Variants in USP42 observed in about 807,000 individuals in gnomAD.
USP42 encodes ubiquitin carboxyl-terminal hydrolase 42.
USP42 carries 23 observed loss-of-function variants against 113.0 expected under a neutral mutation model. The observed-to-expected ratio is 0.20, with a 90% CI of 0.15 to 0.29. The LOEUF is 0.29. Among genes scored for constraint, USP42 ranks in the 10% least tolerant of loss-of-function variants. The pLI is 1.00. For missense variants in USP42, 2,174 were observed against 1,779.8 expected (o/e 1.22, Z -3.99); for synonymous variants, 933 against 699.0 (o/e 1.33, Z -5.28).
At chr7:6,112,449 CAAAAAGA>C (rs1451424718) in intron 2 of USP42, among the ~76,000 whole-genome samples, 23 of 147,704 alleles carry the variant, frequency 1.6e-4, no homozygotes, top group East Asian at 2.0e-4. Flanking sequence ...GACTCTGTCT[CAAAAAGA>C]AAAAAGAAAA....
rs372385232 is a variant in USP42 at position 6,159,406 on chromosome 7, T to C, written c.3944-44T>C. Reference sequence around the variant, plus strand: ...ACACACAGCAGAGGCCCTGGCGATTTTGCAACCATCATTAAAATCTCTTTC... The same window carrying C: ...ACACACAGCAGAGGCCCTGGCGATTCTGCAACCATCATTAAAATCTCTTTC... On this transcript the variant is annotated intron_variant, in intron 16 of 17. Coordinates refer to ENST00000306177, the MANE Select transcript of USP42 (RefSeq NM_032172.3). This position sits in a 1 kb window ranked among gnomAD's most constrained non-coding sequence, Gnocchi z 4.1. The C allele has an allele frequency of 4.1e-5, 66 of 1,613,664 alleles. No individual in the cohort carries two copies. Among genetic ancestry groups the C allele is most frequent in the Non-Finnish European group, 5.1e-5 (60 of 1,179,808 alleles).
In USP42 at chr7:6,153,767, C is replaced by T; in HGVS notation, c.2213C>T (p.Ala738Val). The T allele has an allele frequency of 6.8e-7, 1 of 1,466,640 alleles. No homozygotes were observed. The highest frequency in any genetic ancestry group is 1.4e-5 in the South Asian group (1 of 72,730). 90.9% of individuals were successfully genotyped at this position (1,466,640 alleles called of 1,614,324 possible). ...TTTGGGGGCTGCAGTGCACCTGGAG[C>T]AGAGAGGGGCCCTCCCGAGGACCGC... The part of the protein sequence containing the change: ...GSTDEMSAPG[A>V]ERGPPEDRDA... Residue 738 changes from alanine (A) to valine (V), a missense_variant, in exon 15 of 18, where the codon GCA becomes GTA. By Grantham distance (64) the Ala-to-Val change is moderately conservative. Transcript: ENST00000306177.
At chr7:6,124,040 T>C (rs1396302282) in intron 3 of USP42, among the ~76,000 whole-genome samples, 2 of 152,090 alleles carry the variant, frequency 1.3e-5, no homozygotes, top group Non-Finnish European at 2.9e-5. Flanking sequence ...CGTGCCCGGC[T>C]AACTTTTGTA....
chr7:6,130,584 T>G (rs1254362926), intron 3 of USP42, among the ~76,000 whole-genome samples: 1 of 152,190 alleles, frequency 6.6e-6, no homozygotes, highest in Non-Finnish European at 1.5e-5. Context: ...CAGCTCCTAG[T>G]CAGCCTTCTC....
At chr7:6,118,986 A>T (rs1386343809) in intron 3 of USP42, among the ~76,000 whole-genome samples, 1 of 151,928 alleles carries the variant, frequency 6.6e-6, no homozygotes, top group Non-Finnish European at 1.5e-5. Flanking sequence ...AGGCTGAGGC[A>T]GGAGGACTGT....
rs769677491 is a variant in USP42 at position 6,147,868 on chromosome 7, A to C, written c.1362A>C (p.Pro454=). The C allele has an allele frequency of 1.9e-6, 3 of 1,611,874 alleles. No homozygotes were observed. ...AGGCTGCGCCAGGCTTTATCGGACC[A>C]CAGCTTCCCTCTCACATGATAAAGG... ...NKQAAPGFIG[P]QLPSHMIKNP... is the part of the protein sequence containing the mutation. Residue 454 remains proline (P), a synonymous_variant, in exon 12 of 18, where the codon CCA becomes CCC. Coordinates refer to ENST00000306177, the MANE Select transcript of USP42 (RefSeq NM_032172.3).
chr7:6,136,049 G>C (rs1357345935), intron 4 of USP42, 98 bp downstream of exon 4: 5 of 751,966 alleles, frequency 6.6e-6, no homozygotes, highest in Non-Finnish European at 1.0e-5. Context: ...CTGTCGCCTA[G>C]GCTGGAATGT....
At chr7:6,096,075 G>A in the USP42 span, among the ~76,000 whole-genome samples, 8 of 151,074 alleles carry the variant, frequency 5.3e-5, no homozygotes, top group South Asian at 1.7e-3. Flanking sequence ...TGCATGTTTT[G>A]GAATTGAGAA....
At chr7:6,105,370 C>T (rs1779210146) in intron 1 of USP42, among the ~76,000 whole-genome samples, 2 of 149,196 alleles carry the variant, frequency 1.3e-5, no homozygotes, top group East Asian at 2.0e-4. Context: ...CCCAGCCCGC[C>T]CCTTCGGCCT....
rs755178406 is a variant in USP42 at position 6,160,847 on chromosome 7, T to C, written c.*329T>C. Reference sequence around the variant, plus strand: ...ATTACAGACTCAGGTCGATTACTTGTATTTCATGTAATGTTCCTCCAAGTT... The same window carrying C: ...ATTACAGACTCAGGTCGATTACTTGCATTTCATGTAATGTTCCTCCAAGTT... On this transcript the variant is annotated 3_prime_UTR_variant, in exon 18 of 18. Transcript: ENST00000306177. 9.2e-5 allele frequency: 14 copies of C among 152,670 alleles called. No individual in the cohort carries two copies. The highest frequency in any genetic ancestry group is 2.0e-4 in the Admixed American group (3 of 15,274). The allele number at this position is 152,670 out of a possible 1,614,324, so 9.5% of individuals were successfully genotyped here.
At chr7:6,118,535 G>C (rs1475092725) in intron 3 of USP42, among the ~76,000 whole-genome samples, 2 of 149,054 alleles carry the variant, frequency 1.3e-5, no homozygotes, top group African/African-American at 4.9e-5. Flanking sequence ...AAAAAGAAAA[G>C]ACAAGAAAAA....
chr7:6,136,499 C>T (rs1781160840), intron 4 of USP42, among the ~76,000 whole-genome samples: 1 of 152,054 alleles, frequency 6.6e-6, no homozygotes, highest in Admixed American at 6.6e-5. Context: ...TTTAATATAA[C>T]AAATTTTAAA....
intron 1 of USP42, among the ~76,000 whole-genome samples, chr7:6,108,301 G>A (rs1474956317): frequency 1.3e-5 from 2 of 152,078 alleles, no homozygotes; most frequent in Non-Finnish European, 2.9e-5. Flanking sequence ...ATTTTGGGAG[G>A]CAGAGGCAGG....
intron 1 of USP42, among the ~76,000 whole-genome samples, chr7:6,107,741 C>G (rs1260008650): frequency 6.6e-6 from 1 of 151,910 alleles, no homozygotes; most frequent in African/African-American, 2.4e-5. Context: ...TTTTTTTCTT[C>G]TGTCCCCACA....
intron 1 of USP42, among the ~76,000 whole-genome samples, chr7:6,110,340 C>T (rs1018908305): frequency 3.5e-4 from 53 of 152,126 alleles, no homozygotes; most frequent in African/African-American, 3.4e-4. Context: ...ATCTCTCATA[C>T]GTTCTTTATA....
chr7:6,086,779 T>C, the USP42 span, among the ~76,000 whole-genome samples: 1 of 150,422 alleles, frequency 6.6e-6, no homozygotes, highest in Non-Finnish European at 1.5e-5. Flanking sequence ...CAGGCTGGAA[T>C]GCAATGGCGC....
chr7:6,115,992 T>C (rs1779890437), intron 3 of USP42, among the ~76,000 whole-genome samples: 1 of 151,350 alleles, frequency 6.6e-6, no homozygotes, highest in African/African-American at 2.4e-5. Context: ...AGTCCCAGCA[T>C]ACTCAGGAGG....
chr7:6,109,283 C>T (rs1009029348), intron 1 of USP42, among the ~76,000 whole-genome samples: 2 of 152,078 alleles, frequency 1.3e-5, no homozygotes, highest in Admixed American at 6.6e-5. Flanking sequence ...GGGAACGTGA[C>T]GGAGAGGGTG....
intron 1 of USP42, among the ~76,000 whole-genome samples, chr7:6,108,774 C>T (rs1301806582): frequency 6.6e-6 from 1 of 152,146 alleles, no homozygotes; most frequent in African/African-American, 2.4e-5. Flanking sequence ...CCACTGCGCC[C>T]AGCCTCAATA....
Sources: gnomAD v4.1 joint callset for allele counts (sites outside exome capture counted in the v4.1 genomes callset) on GRCh38, gnomAD v4.1.1 for gene constraint, Gnocchi (gnomAD v3.1) non-coding constraint, MANE v1.5 for transcripts, NCBI Gene and HGNC (gene_info 2026-07-23, HGNC 2026-07-21) for gene names.